The following CHRNB4 variants were observed in gnomAD, a reference collection of about 807,000 sequenced individuals.
The protein encoded by CHRNB4 is neuronal acetylcholine receptor subunit beta-4.
Under a neutral mutation model 40.4 loss-of-function variants are expected in CHRNB4, and 23 were observed. The observed-to-expected ratio is 0.57, with a 90% CI of 0.41 to 0.81. The LOEUF is 0.81. Among genes scored for constraint, CHRNB4 ranks in the 30% least tolerant of loss-of-function variants. The probability of loss-of-function intolerance (pLI) is 0.00; values close to 1 mark genes in which losing one functional copy is unlikely to be tolerated. For synonymous variants in CHRNB4, 285 were observed against 274.4 expected, an observed-to-expected ratio of 1.04 and a Z score of -0.38; for missense variants, 568 against 670.6, an observed-to-expected ratio of 0.85 and a Z score of 1.69.
At chr15:78,631,503 T>G (rs28534575) in intron 2 of CHRNB4, among the ~76,000 whole-genome samples, 171 bp from the exon 3 acceptor site, 41,750 of 152,022 alleles carry the variant, frequency 0.27, 6,406 homozygotes, top group East Asian at 0.47. Context: ...GACACAAAGC[T>G]CATGATCTTC....
chr15:78,630,007 C>G, intron 4 of CHRNB4, 62 bp from the exon 5 acceptor site: 1 of 1,487,358 alleles, frequency 6.7e-7, no homozygotes, highest in Non-Finnish European at 8.9e-7. Flanking sequence ...GGCCTGTTCT[C>G]AGAACTCACT....
At chr15:78,640,711 T>G (rs1196082121) in intron 1 of CHRNB4, among the ~76,000 whole-genome samples, 2 of 152,232 alleles carry the variant, frequency 1.3e-5, no homozygotes, top group Non-Finnish European at 2.9e-5. Flanking sequence ...TCGGCCCTGT[T>G]GGGAGCGGGA....
At chr15:78,634,594 A>T (rs1246717195) in intron 2 of CHRNB4, 7 of 410,776 alleles carry the variant, frequency 1.7e-5, no homozygotes, top group South Asian at 1.2e-4. Flanking sequence ...TGCTAGAGAG[A>T]GAGTCTGGCA....
In CHRNB4 at chr15:78,629,362, A is replaced by G; in HGVS notation, c.943T>C (p.Cys315Arg). ...GAGCGGTGGTGCACATTGAGCACAC[A>G]GACGCTGGTGACGATGGAGAAGGTG... ...LVTFSIVTSVCVLNVHHRSPS... is the reference protein window; with the variant it reads ...LVTFSIVTSVRVLNVHHRSPS... The change falls in exon 5 of 6, where the codon TGT (cysteine) becomes CGT (arginine). Residue 315 changes from cysteine to arginine, a missense_variant. Physicochemically the swap from Cys to Arg is radical, Grantham distance 180. Coordinates refer to ENST00000261751, the MANE Select transcript of CHRNB4 (RefSeq NM_000750.5). The surrounding 1 kb of genome is among the most constrained non-coding windows in gnomAD (Gnocchi z 6.8). 6.2e-7 allele frequency: 1 copy of G among 1,614,174 alleles called. No homozygotes were observed.
chr15:78,631,395 T>C (rs952819059), intron 2 of CHRNB4, 63 bp from the exon 3 acceptor site: 2 of 1,530,424 alleles, frequency 1.3e-6, no homozygotes, highest in Middle Eastern at 4.6e-4. Context: ...TGGATTGCAC[T>C]TTATTGTGCA....
chr15:78,643,439 TATC>T (rs1356980755), upstream of CHRNB4, among the ~76,000 whole-genome samples: 3 of 152,178 alleles, frequency 2.0e-5, no homozygotes, highest in African/African-American at 7.2e-5. Flanking sequence ...GTGTAGCAAT[TATC>T]ATAATTAATG....
chr15:78,637,707 G>A (rs374915184), intron 1 of CHRNB4, among the ~76,000 whole-genome samples: 36 of 152,292 alleles, frequency 2.4e-4, no homozygotes, highest in South Asian at 4.1e-4. Flanking sequence ...GTTGTGGGGA[G>A]CAGCCGCCAC....
chr15:78,626,384 G>GTGTGTGTGTGTGTGTGTGTGTGTT (rs35851650), intron 5 of CHRNB4: 63 of 86,970 alleles, frequency 7.2e-4, no homozygotes, highest in African/African-American at 2.3e-3. Flanking sequence ...GTGTGTGTGT[G>GTGTGTGTGTGTGTGTGTGTGTGTT]TTTCCCCCTT....
intron 1 of CHRNB4, 75 bp downstream of exon 1, chr15:78,641,004 C>T: frequency 6.7e-7 from 1 of 1,488,844 alleles, no homozygotes; most frequent in Non-Finnish European, 9.1e-7. Flanking sequence ...CCTCCCTTCC[C>T]TCCCACCTGT....
chr15:78,624,347 G>A lies in CHRNB4; in HGVS notation c.*786C>T, dbSNP rs1410353985. On this transcript the variant is annotated 3_prime_UTR_variant, in exon 6 of 6. Transcript: ENST00000261751. ...GAGGCTGCTTTAGAATGATTGGGTG[G>A]TTAGGGAAGGCCTCTCAGAGGAGGT... The A allele has an allele frequency of 1.3e-5, 2 of 152,398 alleles. No homozygotes were observed. The highest frequency in any genetic ancestry group is 6.5e-5 in the Admixed American group (1 of 15,276). The allele number at this position is 152,398 out of a possible 1,614,324, so 9.4% of individuals were successfully genotyped here.
At chr15:78,646,783 A>G (rs557698835) in intron 7 of CHRNB4, among the ~76,000 whole-genome samples, 135 of 152,362 alleles carry the variant, frequency 8.9e-4, no homozygotes, top group Non-Finnish European at 1.3e-3. Context: ...GGATTTCAAC[A>G]TATAAATTTA....
At chr15:78,645,928 C>T (rs551377253), upstream of CHRNB4, among the ~76,000 whole-genome samples, 9 of 152,048 alleles carry the variant, frequency 5.9e-5, no homozygotes, top group Admixed American at 3.3e-4. Context: ...GGTATGGTGG[C>T]GCACACCTGT....
At chr15:78,638,490 CCCCTGAG>C (rs1392225093) in intron 1 of CHRNB4, among the ~76,000 whole-genome samples, 3 of 152,260 alleles carry the variant, frequency 2.0e-5, no homozygotes, top group African/African-American at 7.2e-5. Flanking sequence ...TCTTCCCTGA[CCCCTGAG>C]CCTTCTTCAG....
intron 7 of CHRNB4, among the ~76,000 whole-genome samples, chr15:78,646,887 T>C (rs1378747264): frequency 6.6e-6 from 1 of 152,240 alleles, no homozygotes. Flanking sequence ...ATACCTGTAA[T>C]ACCAGCATTT....
chr15:78,646,586 G>A (rs1359763246), intron 7 of CHRNB4, among the ~76,000 whole-genome samples: 3 of 152,080 alleles, frequency 2.0e-5, no homozygotes, highest in African/African-American at 7.2e-5. Flanking sequence ...TCTTGGTGAG[G>A]GCCCACCTCC....
chr15:78,658,032 T>TC (rs2054228414), intron 2 of CHRNB4, among the ~76,000 whole-genome samples: 2 of 137,660 alleles, frequency 1.5e-5, no homozygotes, highest in Non-Finnish European at 3.1e-5. Context: ...GTTTCTCTTT[T>TC]TTTTTTTTTT....
chr15:78,650,334 A>G (rs2054161922), intron 6 of CHRNB4, among the ~76,000 whole-genome samples: 1 of 152,226 alleles, frequency 6.6e-6, no homozygotes, highest in Non-Finnish European at 1.5e-5. Flanking sequence ...CAGGAGTCAG[A>G]GCCCAACTTC....
In CHRNB4 at chr15:78,624,720, G is replaced by A. The variant is rs951672503; in HGVS notation, c.*413C>T. ...AGAAAAAAAAAAAGATGATGATATG[G>A]CAAATGCCAAGCCTCTGAGCTGGGA... On this transcript the variant is annotated 3_prime_UTR_variant, in exon 6 of 6. Transcript: ENST00000261751. 7.4e-6 allele frequency: 3 copies of A among 405,704 alleles called. No homozygotes were observed. Among genetic ancestry groups the A allele is most frequent in the South Asian group, 1.2e-4 (1 of 8,678 alleles). The allele number at this position is 405,704 out of a possible 1,614,324, so 25.1% of individuals were successfully genotyped here.
chr15:78,626,343 T>TGC, intron 5 of CHRNB4: 1 of 9,952 alleles, frequency 1.0e-4, no homozygotes, highest in Non-Finnish European at 3.0e-4. Context: ...CAAGCGGGGG[T>TGC]GTGTGTGTGT....
Sources: allele counts gnomAD v4.1 joint callset (sites outside exome capture counted in the v4.1 genomes callset), GRCh38; gene constraint gnomAD v4.1.1; non-coding constraint Gnocchi (gnomAD v3.1); transcripts MANE v1.5; gene names NCBI Gene and HGNC (gene_info 2026-07-23, HGNC 2026-07-21).